Variants in LARGE1 observed in about 807,000 individuals in gnomAD.
The protein encoded by LARGE1 is LARGE xylosyl- and glucuronyltransferase 1, also known as xylosyl- and glucuronyltransferase LARGE1.
LARGE1 carries 43 observed loss-of-function variants against 87.6 expected under a neutral mutation model. The ratio of observed to expected loss-of-function variants is 0.49; its 90% CI spans 0.38 to 0.63. LARGE1 has a LOEUF of 0.63. LARGE1 is among the 30% of genes least tolerant of loss of function. The probability of loss-of-function intolerance (pLI) is 0.00; values close to 1 mark genes in which losing one functional copy is unlikely to be tolerated. For synonymous variants in LARGE1, 434 were observed against 394.6 expected (o/e 1.10, Z -1.18); for missense variants, 802 against 1,000.2 (o/e 0.80, Z 2.67).
intron 9 of LARGE1, among the ~76,000 whole-genome samples, chr22:33,341,888 CTCAAAGATGGGGCAG>C (rs1399188517): frequency 1.3e-5 from 2 of 152,200 alleles, no homozygotes; most frequent in Non-Finnish European, 2.9e-5. Context: ...TTCCTACCCT[CTCAAAGATGGGGCAG>C]GGAAGGAGTT....
intron 6 of LARGE1, among the ~76,000 whole-genome samples, chr22:33,520,340 C>T (rs887027118): frequency 5.3e-5 from 8 of 152,242 alleles, no homozygotes; most frequent in African/African-American, 1.2e-4. Context: ...CCTCCCAAAG[C>T]GCTAGGATTA....
chr22:33,158,607 T>C (rs1249192751), downstream of LARGE1, among the ~76,000 whole-genome samples: 2 of 152,192 alleles, frequency 1.3e-5, no homozygotes, highest in Non-Finnish European at 2.9e-5. Context: ...ATTCAGAATA[T>C]AAGGAAGAGG....
chr22:33,379,262 C>CTT (rs71320972), intron 9 of LARGE1, among the ~76,000 whole-genome samples: 3 of 130,672 alleles, frequency 2.3e-5, no homozygotes, highest in Admixed American at 8.4e-5. Flanking sequence ...TGATTTCTTT[C>CTT]TTTTTTTTTT....
intron 11 of LARGE1, among the ~76,000 whole-genome samples, chr22:33,222,554 T>G (rs1022623701): frequency 5.3e-5 from 8 of 152,236 alleles, no homozygotes; most frequent in Non-Finnish European, 1.2e-4. Context: ...CCGGGTAAGC[T>G]CTCAGTCCAA....
the LARGE1 span, among the ~76,000 whole-genome samples, chr22:33,112,195 A>G: frequency 6.6e-6 from 1 of 152,236 alleles, no homozygotes; most frequent in African/African-American, 2.4e-5. Context: ...GAACTAGTCC[A>G]GAGGATGGGT....
At chr22:33,593,307 T>G (rs1230204619) in intron 5 of LARGE1, among the ~76,000 whole-genome samples, 1 of 152,178 alleles carries the variant, frequency 6.6e-6, no homozygotes, top group East Asian at 1.9e-4. Flanking sequence ...CCTCCCAAAG[T>G]GCTGGGATTA....
intron 3 of LARGE1, among the ~76,000 whole-genome samples, chr22:33,635,074 C>T (rs963624587): frequency 1.3e-5 from 2 of 151,344 alleles, no homozygotes; most frequent in Non-Finnish European, 2.9e-5. Context: ...GCCGAGATCG[C>T]ACCACTGCAC....
At chr22:33,573,861 G>C (rs1260196620) in intron 5 of LARGE1, among the ~76,000 whole-genome samples, 1 of 152,080 alleles carries the variant, frequency 6.6e-6, no homozygotes, top group Non-Finnish European at 1.5e-5. Flanking sequence ...CCCGGCAGTT[G>C]ATGCCAGCTA....
At chr22:33,410,682 TA>T (rs1411802070) in intron 7 of LARGE1, among the ~76,000 whole-genome samples, 2 of 152,022 alleles carry the variant, frequency 1.3e-5, no homozygotes, top group Non-Finnish European at 2.9e-5. Context: ...TTTTTTTTTA[TA>T]GCAGTGTGAG....
intron 10 of LARGE1, among the ~76,000 whole-genome samples, chr22:33,326,133 C>T (rs1937220937): frequency 6.6e-6 from 1 of 152,186 alleles, no homozygotes; most frequent in South Asian, 2.1e-4. Flanking sequence ...AGTCCATTTT[C>T]ATTCTTTTGC....
At chr22:33,826,404 G>A (rs548753412) in intron 1 of LARGE1, among the ~76,000 whole-genome samples, 27 of 149,204 alleles carry the variant, frequency 1.8e-4, no homozygotes, top group African/African-American at 6.8e-4. Context: ...GCACAATGGC[G>A]CAATCTCGGC....
intron 6 of LARGE1, among the ~76,000 whole-genome samples, chr22:33,457,072 G>A (rs1209876559): frequency 6.6e-6 from 1 of 152,058 alleles, no homozygotes; most frequent in African/African-American, 2.4e-5. Context: ...GAAGATGTAA[G>A]GACAAACATA....
At chr22:33,921,090 G>A (rs1555893493), upstream of LARGE1, among the ~76,000 whole-genome samples, 3 of 148,264 alleles carry the variant, frequency 2.0e-5, no homozygotes, top group Non-Finnish European at 4.5e-5. The surrounding 1 kb of genome is among the most constrained non-coding windows in gnomAD (Gnocchi z 4.1). Flanking sequence ...GCCGGCGCCC[G>A]CGTCGGCGCC....
chr22:33,317,274 G>A (rs1264566860), intron 10 of LARGE1, among the ~76,000 whole-genome samples: 4 of 151,834 alleles, frequency 2.6e-5, no homozygotes, highest in African/African-American at 4.8e-5. Context: ...AATTACACAG[G>A]AAAATGCCCA....
intron 4 of LARGE1, among the ~76,000 whole-genome samples, chr22:33,606,184 T>C (rs1294998260): frequency 6.6e-6 from 1 of 152,216 alleles, no homozygotes; most frequent in East Asian, 1.9e-4. Context: ...GGTGGGTAGA[T>C]AATGAGATCA....
At chr22:33,381,332 T>C (rs1162723622) in intron 9 of LARGE1, among the ~76,000 whole-genome samples, 2 of 152,178 alleles carry the variant, frequency 1.3e-5, no homozygotes, top group Admixed American at 6.5e-5. Flanking sequence ...GTCTTCTTCC[T>C]CTTTCTATAG....
rs5994808 is a variant in LARGE1, at chr22:33,906,375, G to A, written c.-83+13620C>T. Among the ~76,000 whole-genome samples, 1,379 of 152,238 alleles carry A rather than the reference G, an allele frequency of 9.1e-3. 36 individuals carry two copies. The highest frequency in any genetic ancestry group is 0.032 in the African/African-American group (1,313 of 41,534). On this transcript the variant is annotated intron_variant, in intron 1 of 14. Transcript: ENST00000397394. Reference sequence around the variant, plus strand: ...AGGGGTATGTATATTTCCAGTATTAGGACACCTGGGTTGTTGGATTATAGG... The same window carrying A: ...AGGGGTATGTATATTTCCAGTATTAAGACACCTGGGTTGTTGGATTATAGG...
At chr22:33,558,797 A>G (rs1278349388) in intron 6 of LARGE1, among the ~76,000 whole-genome samples, 2 of 152,240 alleles carry the variant, frequency 1.3e-5, no homozygotes. Flanking sequence ...AATGTTCTTC[A>G]TGTTCAGCTT....
chr22:33,811,321 A>G (rs1308073136), intron 1 of LARGE1, among the ~76,000 whole-genome samples: 1 of 152,212 alleles, frequency 6.6e-6, no homozygotes, highest in Admixed American at 6.5e-5. Context: ...TTAATAAAAC[A>G]TAATTTAGCA....
Sources: allele counts gnomAD v4.1 joint callset (sites outside exome capture counted in the v4.1 genomes callset), GRCh38; gene constraint gnomAD v4.1.1; non-coding constraint Gnocchi (gnomAD v3.1); transcripts MANE v1.5; gene names NCBI Gene and HGNC (gene_info 2026-07-23, HGNC 2026-07-21).